Variants in COLQ observed in about 807,000 individuals in gnomAD.
The protein encoded by COLQ is acetylcholinesterase collagenic tail peptide.
A neutral mutation model predicts 69.0 loss-of-function variants in COLQ; 48 were observed. That is an observed-to-expected ratio of 0.70 (90% CI 0.55 to 0.88). The LOEUF (loss-of-function observed/expected upper bound fraction) is 0.88. Ranked by LOEUF, COLQ falls within the 40% of genes least tolerant of loss-of-function variation. The pLI is 0.00. For synonymous variants in COLQ, 217 were observed against 211.2 expected, an observed-to-expected ratio of 1.03 and a Z score of -0.24; for missense variants, 618 against 594.6, an observed-to-expected ratio of 1.04 and a Z score of -0.41.
chr3:15,503,052 C>T (rs540760714), intron 1 of COLQ, among the ~76,000 whole-genome samples: 8 of 152,304 alleles, frequency 5.3e-5, no homozygotes, highest in African/African-American at 1.9e-4. Flanking sequence ...TTGCACACAG[C>T]CCTAGGAGGA....
intron 10 of COLQ, 32 bp from the exon 11 acceptor site, chr3:15,470,648 C>T: frequency 6.2e-7 from 1 of 1,603,804 alleles, no homozygotes; most frequent in Non-Finnish European, 8.5e-7. Context: ...CAAGAGAGGA[C>T]TTAGGGCATG....
Position 15,476,589 on chromosome 3 carries a change from G to GC in COLQ, c.465+536dup, listed in dbSNP as rs533603208. Among the ~76,000 whole-genome samples, 867 of 152,270 alleles carry GC rather than the reference G, an allele frequency of 5.7e-3. 5 individuals are homozygous for GC. Among genetic ancestry groups the GC allele is most frequent in the Middle Eastern group, 0.014 (4 of 294 alleles). ...TTCTGCAGATAAAACTCTGAGTCACGCCTCTGAACCCTCTAGTCTATGACT... is the reference window on the plus strand; with the variant it reads ...TTCTGCAGATAAAACTCTGAGTCACGCCCTCTGAACCCTCTAGTCTATGACT... On this transcript the variant is annotated intron_variant, in intron 6 of 16. Transcript: ENST00000383788.
intron 1 of COLQ, among the ~76,000 whole-genome samples, chr3:15,495,306 T>G (rs1372275868): frequency 2.0e-5 from 3 of 152,108 alleles, no homozygotes; most frequent in African/African-American, 7.2e-5. Context: ...ATCCTAGGGT[T>G]GGGGATTTTG....
intron 2 of COLQ, among the ~76,000 whole-genome samples, chr3:15,489,135 C>T (rs2062623097): frequency 6.6e-6 from 1 of 152,170 alleles, no homozygotes; most frequent in South Asian, 2.1e-4. Context: ...CTGTGTTAGA[C>T]ACGGGCTGCA....
chr3:15,513,362 C>T (rs1409673136), intron 1 of COLQ, among the ~76,000 whole-genome samples: 1 of 152,184 alleles, frequency 6.6e-6, no homozygotes, highest in African/African-American at 2.4e-5. Flanking sequence ...GCCCATTCGT[C>T]GATCCTGCTC....
chr3:15,518,235 C>T (rs758738185), intron 1 of COLQ, among the ~76,000 whole-genome samples: 2 of 152,148 alleles, frequency 1.3e-5, no homozygotes, highest in Non-Finnish European at 2.9e-5. Flanking sequence ...CGTGAGCCAC[C>T]GCGCCTGGCC....
At chr3:15,510,933 G>A (rs183822378) in intron 1 of COLQ, among the ~76,000 whole-genome samples, 7 of 152,094 alleles carry the variant, frequency 4.6e-5, no homozygotes, top group Admixed American at 1.3e-4. Context: ...AATGGGTTAC[G>A]GAGACTCACT....
chr3:15,499,974 T>C (rs1269806691), intron 1 of COLQ, among the ~76,000 whole-genome samples: 1 of 152,218 alleles, frequency 6.6e-6, no homozygotes, highest in African/African-American at 2.4e-5. Flanking sequence ...CTTATTGACA[T>C]ATTCTTGGAT....
chr3:15,486,186 A>G (rs1174495465), intron 3 of COLQ, among the ~76,000 whole-genome samples: 1 of 152,238 alleles, frequency 6.6e-6, no homozygotes, highest in Non-Finnish European at 1.5e-5. Context: ...GAAGTGGACT[A>G]GAACTATTTC....
chr3:15,474,280 GA>G lies in COLQ; in HGVS notation c.556-9del. Reference sequence around the variant, plus strand: ...CTTTTCACCTCTGGATCCCTAGGAAGAAACCATAGGAGAAAGTCAATGAGTT... The same window carrying G: ...CTTTTCACCTCTGGATCCCTAGGAAGAACCATAGGAGAAAGTCAATGAGTT... On this transcript the variant is annotated splice_polypyrimidine_tract_variant and intron_variant, in intron 8 of 16. Transcript: ENST00000383788. 6.2e-7 allele frequency: 1 copy of G among 1,613,770 alleles called. No individual in the cohort carries two copies. Among genetic ancestry groups the G allele is most frequent in the South Asian group, 1.1e-5 (1 of 91,078 alleles).
rs2062940075 is a variant in COLQ at position 15,508,495 on chromosome 3, C to T, written c.106+13025G>A. Among the ~76,000 whole-genome samples the T allele has an allele frequency of 2.0e-5, 3 of 152,300 alleles. No homozygotes were observed. In the South Asian group the frequency reaches 6.2e-4, roughly 32 times the overall value. The stretch of plus-strand genomic sequence containing the variant: ...ACCATTTGTATAACAAGTAGCCAAG[C>T]ATATTGTAGGCGGTACAATAAATAC... On this transcript the variant is annotated intron_variant, in intron 1 of 16. Transcript: ENST00000383788.
At position 15,456,515 on chromosome 3, in the gene COLQ, C is replaced by T. The variant is rs375225755; in HGVS notation, c.1019G>A (p.Arg340His). ...RLNTQNAIAF[R>H]RDQRSLYFKD... The stretch of plus-strand genomic sequence containing the variant: ...GAAGTACAGAGATCTCTGGTCTCTG[C>T]GGAAGGCAATGGCGTTTTGGGTGTT... Residue 340 changes from arginine (R) to histidine (H), a missense_variant, in exon 14 of 17, where the codon CGC becomes CAC. Physicochemically the swap from Arg to His is conservative, Grantham distance 29. Coordinates refer to ENST00000383788, the MANE Select transcript of COLQ (RefSeq NM_005677.4). 70 of 1,614,006 alleles carry T rather than the reference C, an allele frequency of 4.3e-5. No homozygotes were observed. The highest frequency in any genetic ancestry group is 5.3e-5 in the Non-Finnish European group (62 of 1,180,018).
intron 15 of COLQ, among the ~76,000 whole-genome samples, chr3:15,455,630 G>T (rs1166536755): frequency 2.0e-5 from 3 of 152,244 alleles, no homozygotes; most frequent in Non-Finnish European, 2.9e-5. Flanking sequence ...GGAGGACCTG[G>T]TGGCTACATT....
At chr3:15,460,256 T>C (rs909757019) in intron 12 of COLQ, among the ~76,000 whole-genome samples, 1 of 152,148 alleles carries the variant, frequency 6.6e-6, no homozygotes, top group African/African-American at 2.4e-5. Flanking sequence ...AAGTGTTTGA[T>C]GATCGAATGA....
intron 1 of COLQ, among the ~76,000 whole-genome samples, chr3:15,511,121 G>A (rs1463180076): frequency 6.6e-6 from 1 of 152,144 alleles, no homozygotes; most frequent in East Asian, 1.9e-4. Context: ...AAGTCTAAGA[G>A]GATATTTAAA....
Position 15,453,949 on chromosome 3 carries a change from G to A in COLQ, c.1196-18C>T, listed in dbSNP as rs1297760071. The A allele has an allele frequency of 6.4e-7, 1 of 1,570,896 alleles. No individual in the cohort carries two copies. Among genetic ancestry groups the A allele is most frequent in the South Asian group, 1.1e-5 (1 of 87,422 alleles). ...GTGACAGCCTGAGGGGACATAAGGAGGTGCAGTCTTGAGAAGGAGCAGAGG... is the reference window on the plus strand; with the variant it reads ...GTGACAGCCTGAGGGGACATAAGGAAGTGCAGTCTTGAGAAGGAGCAGAGG... On this transcript the variant is annotated intron_variant, in intron 15 of 16. Transcript: ENST00000383788.
At chr3:15,504,408 T>C (rs768953149) in intron 1 of COLQ, among the ~76,000 whole-genome samples, 3 of 152,222 alleles carry the variant, frequency 2.0e-5, no homozygotes, top group Non-Finnish European at 4.4e-5. Flanking sequence ...CTGCTTGCCA[T>C]GTCCTCACAT....
rs376039314 is a variant in COLQ, at chr3:15,479,633, T to A, written c.322-251A>T. 3.9e-5 allele frequency among the ~76,000 whole-genome samples: 6 copies of A among 152,320 alleles called. No homozygotes were observed. The South Asian group carries it at 6.2e-4, about 16-fold the overall frequency. ...CAATGCTTACATATCTACTCTGTGGTTTTAATTTTCTCCCTGTAACTCTTT... is the reference window on the plus strand; with the variant it reads ...CAATGCTTACATATCTACTCTGTGGATTTAATTTTCTCCCTGTAACTCTTT... On this transcript the variant is annotated intron_variant, in intron 3 of 16. Transcript: ENST00000383788.
chr3:15,451,848 C>A (rs939485051), intron 16 of COLQ, 135 bp from the exon 17 acceptor site: 24 of 773,504 alleles, frequency 3.1e-5, no homozygotes, highest in South Asian at 2.7e-4. Context: ...GAGTGAGAGG[C>A]CTGGGGGAGT....
Sources: allele counts gnomAD v4.1 joint callset (sites outside exome capture counted in the v4.1 genomes callset), GRCh38; gene constraint gnomAD v4.1.1; transcripts MANE v1.5; gene names NCBI Gene and HGNC (gene_info 2026-07-23, HGNC 2026-07-21).